PUS7L: variants seen among roughly 807,000 people sequenced by gnomAD.
PUS7L encodes the protein pseudouridine synthase 7 like, also known as pseudouridylate synthase PUS7L.
In PUS7L, 49 loss-of-function variants were observed where a neutral mutation model predicts 51.1. The ratio of observed to expected loss-of-function variants is 0.96; its 90% confidence interval spans 0.76 to 1.22. PUS7L has a LOEUF of 1.22. Among genes scored for constraint, PUS7L ranks in the 50% most tolerant of loss-of-function variants. PUS7L has a pLI of 0.00. For synonymous variants in PUS7L, 277 were observed against 276.2 expected, an observed-to-expected ratio of 1.00 and a Z score of -0.03; for missense variants, 828 against 820.6, an observed-to-expected ratio of 1.01 and a Z score of -0.11.
chr12:43,745,179 A>C (rs766766398), intron 4 of PUS7L, among the ~76,000 whole-genome samples: 23 of 152,212 alleles, frequency 1.5e-4, no homozygotes, highest in Non-Finnish European at 2.8e-4. Flanking sequence ...GCTGATGTCT[A>C]GATGATCTAA....
intron 2 of PUS7L, among the ~76,000 whole-genome samples, chr12:43,751,694 A>G (rs1015890562): frequency 3.3e-5 from 5 of 152,082 alleles, no homozygotes; most frequent in East Asian, 1.9e-4. Flanking sequence ...ATGATTTATA[A>G]TCCTTTGGGT....
Position 43,738,406 on chromosome 12 carries a change from C to G in PUS7L, c.1363-15G>C. On this transcript the variant is annotated splice_polypyrimidine_tract_variant and intron_variant, in intron 5 of 8. Transcript: ENST00000344862. The stretch of plus-strand genomic sequence containing the variant: ...ATGGCTTTCATCTTAAAAAATCAAG[C>G]AGGTAAACATGTGTTAATGAAAATG... The G allele has an allele frequency of 7.2e-7, 1 of 1,390,174 alleles. No homozygotes were observed. The highest frequency in any genetic ancestry group is 1.0e-6 in the Non-Finnish European group (1 of 980,880). The allele number at this position is 1,390,174 out of a possible 1,614,324, so 86.1% of individuals were successfully genotyped here. A position where few individuals can be genotyped will look rare whatever the true frequency, so the allele number is the denominator to read the frequency against.
At chr12:43,738,034 T>C (rs1225061052) in intron 6 of PUS7L, 1 of 284,994 alleles carries the variant, frequency 3.5e-6, no homozygotes, top group Non-Finnish European at 6.5e-6. Flanking sequence ...AATTTGGAAC[T>C]CTCTCTCAGA....
chr12:43,738,139 C>A, intron 6 of PUS7L, 171 bp downstream of exon 6: 1 of 521,502 alleles, frequency 1.9e-6, no homozygotes, highest in Non-Finnish European at 3.4e-6. Context: ...CAAATCTGAC[C>A]AAAAACGAAG....
At chr12:43,747,862 C>A (rs1374920540) in intron 3 of PUS7L, among the ~76,000 whole-genome samples, 1 of 152,124 alleles carries the variant, frequency 6.6e-6, no homozygotes, top group Non-Finnish European at 1.5e-5. Flanking sequence ...GATCCCTGCT[C>A]ACTGCAACTC....
At chr12:43,731,852 G>T (rs570643694) in intron 7 of PUS7L, 94 bp from the exon 8 acceptor site, 2 of 723,052 alleles carry the variant, frequency 2.8e-6, no homozygotes, top group East Asian at 2.8e-5. Flanking sequence ...ATATAAATCA[G>T]TTCCTATGCT....
rs200464831 is a variant in PUS7L, at chr12:43,736,526, C to A, written c.1580G>T (p.Arg527Leu). 7 of 1,614,148 alleles carry A rather than the reference C, an allele frequency of 4.3e-6. No individual in the cohort carries two copies. Among genetic ancestry groups the A allele is most frequent in the Non-Finnish European group, 5.9e-6 (7 of 1,180,026 alleles). Reference sequence around the variant, plus strand: ...GGTATATGCGTGAACATAGAATATGCGCATGGAATGGGGTAAAGAGAACCA... The same window carrying A: ...GGTATATGCGTGAACATAGAATATGAGCATGGAATGGGGTAAAGAGAACCA... Reference protein sequence around the residue: ...QAWFSLPHSMRIFYVHAYTSK... With the variant: ...QAWFSLPHSMLIFYVHAYTSK... The change falls in exon 7 of 9, where the codon CGC (arginine) becomes CTC (leucine). Residue 527 changes from arginine (R) to leucine (L), a missense_variant. Arg to Leu is a moderately radical substitution (Grantham distance 102). Coordinates refer to ENST00000344862, the MANE Select transcript of PUS7L (RefSeq NM_031292.5).
chr12:43,757,445 A>AG (rs1340112482), intron 1 of PUS7L, among the ~76,000 whole-genome samples: 1 of 152,226 alleles, frequency 6.6e-6, no homozygotes, highest in Admixed American at 6.5e-5. Context: ...TGCTGGGGTT[A>AG]CAGGCGTGAG....
At chr12:43,737,636 A>C (rs1257395301) in intron 6 of PUS7L, among the ~76,000 whole-genome samples, 2 of 151,608 alleles carry the variant, frequency 1.3e-5, no homozygotes, top group African/African-American at 4.8e-5. Context: ...TGTGTAGTAC[A>C]CGCAAGGCAT....
chr12:43,749,554 C>T (rs546388235), intron 2 of PUS7L, among the ~76,000 whole-genome samples: 7 of 152,254 alleles, frequency 4.6e-5, no homozygotes, highest in African/African-American at 1.7e-4. Context: ...CCTATGGTCA[C>T]AGCTACCCAG....
At position 43,730,557 on chromosome 12, in the gene PUS7L, C is replaced by A; in HGVS notation, c.1925G>T (p.Arg642Ile). Residue 642 changes from arginine to isoleucine, a missense_variant, in exon 9 of 9, where the codon AGA (arginine) becomes ATA (isoleucine). Physicochemically the swap from Arg to Ile is moderately conservative, Grantham distance 97. Coordinates refer to ENST00000344862, the MANE Select transcript of PUS7L (RefSeq NM_031292.5). ...ATTACAGGGATGTTTCAAAATCTGT[C>A]TATAGCAACCTGGTATATTCAGTTT... is the stretch of plus-strand genomic sequence containing the variant. ...TLKLNIPGCYRQILKHPCNLS... is the reference protein window; with the variant it reads ...TLKLNIPGCYIQILKHPCNLS... 6.2e-7 allele frequency: 1 copy of A among 1,613,872 alleles called. No homozygotes were observed. Among genetic ancestry groups the A allele is most frequent in the Non-Finnish European group, 8.5e-7 (1 of 1,179,858 alleles).
In PUS7L at chr12:43,724,608, C is replaced by T. The variant is rs1262928726; in HGVS notation, c.*5768G>A. ...ATATATTTCATAATTTTGTTTGATG[C>T]AATACTATCCTGGACTGAAAAATGA... On this transcript the variant is annotated 3_prime_UTR_variant, in exon 9 of 9. Transcript: ENST00000344862. 6.6e-6 allele frequency: 1 copy of T among 152,024 alleles called. No individual in the cohort carries two copies. The highest frequency in any genetic ancestry group is 1.5e-5 in the Non-Finnish European group (1 of 67,964). The allele number at this position is 152,024 out of a possible 1,614,324, so 9.4% of individuals were successfully genotyped here. A position where few individuals can be genotyped will look rare whatever the true frequency, so the allele number is the denominator to read the frequency against.
chr12:43,730,588 T>G lies in PUS7L; in HGVS notation c.1894A>C (p.Thr632Pro), dbSNP rs771811747. Residue 632 changes from threonine (T) to proline (P), a missense_variant, in exon 9 of 9, where the codon ACT becomes CCT. Transcript: ENST00000344862. ...GLQTCRFKVP[T>P]LKLNIPGCYR... ...CAACCTGGTATATTCAGTTTCAGAGTAGGTACTTTAAACCTACATGTCTGT... is the reference window on the plus strand; with the variant it reads ...CAACCTGGTATATTCAGTTTCAGAGGAGGTACTTTAAACCTACATGTCTGT... 2 of 1,613,574 alleles carry G rather than the reference T, an allele frequency of 1.2e-6. No homozygotes were observed. The highest frequency in any genetic ancestry group is 3.3e-5 in the Admixed American group (2 of 60,016).
In PUS7L at chr12:43,742,367, A is replaced by G. The variant is rs993994326; in HGVS notation, c.1362+90T>C. 3 of 844,792 alleles carry G rather than the reference A, an allele frequency of 3.6e-6. No individual in the cohort carries two copies. The Admixed American group carries it at 7.2e-5, about 20-fold the overall frequency. 52.3% of individuals were successfully genotyped at this position (844,792 alleles called of 1,614,324 possible). A position where few individuals can be genotyped will look rare whatever the true frequency, so the allele number is the denominator to read the frequency against. The stretch of plus-strand genomic sequence containing the variant: ...GGTATGTGAGTGTTTACATGCATTT[A>G]TATGCTAGAGTTAAGAAAGCAAGGA... On this transcript the variant is annotated intron_variant, in intron 5 of 8. Transcript: ENST00000344862.
rs770026890 is a variant in PUS7L, at chr12:43,736,572, C to T, written c.1534G>A (p.Glu512Lys). The change falls in exon 7 of 9, where the codon GAG becomes AAG. Residue 512 changes from glutamate to lysine, a missense_variant. Transcript: ENST00000344862. ...LEALHRFGMT[E>K]EGCIQAWFSL... Reference sequence around the variant, plus strand: ...AACCATGCCTGGATACAACCTTCCTCGGTCATGCCAAAGCGGTGCAATGCC... The same window carrying T: ...AACCATGCCTGGATACAACCTTCCTTGGTCATGCCAAAGCGGTGCAATGCC... 7.4e-6 allele frequency: 12 copies of T among 1,613,940 alleles called. No individual in the cohort carries two copies. The highest frequency in any genetic ancestry group is 3.3e-5 in the South Asian group (3 of 91,086).
chr12:43,738,266 T>C, intron 6 of PUS7L, 44 bp downstream of exon 6: 1 of 953,808 alleles, frequency 1.0e-6, no homozygotes, highest in Non-Finnish European at 1.7e-6. Flanking sequence ...ATAGTGTGTA[T>C]CTGTATCTGC....
intron 3 of PUS7L, 26 bp downstream of exon 3, chr12:43,748,424 C>G (rs756773259): frequency 6.5e-7 from 1 of 1,527,868 alleles, no homozygotes; most frequent in Non-Finnish European, 8.8e-7. Flanking sequence ...AAGTTTCTAT[C>G]CTAAAATTTC....
chr12:43,740,505 A>G (rs1295976073), intron 5 of PUS7L, among the ~76,000 whole-genome samples: 1 of 152,210 alleles, frequency 6.6e-6, no homozygotes, highest in African/African-American at 2.4e-5. Context: ...ATCACAAAAT[A>G]AGAGGAATTC....
At position 43,723,541 on chromosome 12, in the gene PUS7L, T is replaced by C. The variant is rs987448097; in HGVS notation, c.*6835A>G. 1.9e-4 allele frequency: 29 copies of C among 152,108 alleles called. No homozygotes were observed. The highest frequency in any genetic ancestry group is 7.0e-4 in the African/African-American group (29 of 41,426). The allele number at this position is 152,108 out of a possible 1,614,324, so 9.4% of individuals were successfully genotyped here. A position where few individuals can be genotyped will look rare whatever the true frequency, so the allele number is the denominator to read the frequency against. On this transcript the variant is annotated 3_prime_UTR_variant, in exon 9 of 9. Coordinates refer to ENST00000344862, the MANE Select transcript of PUS7L (RefSeq NM_031292.5). Reference sequence around the variant, plus strand: ...ATGCTGCTTGTTTTTCTCTTTACCATTTAGTCTGCATATTCCACTTGCAAG... The same window carrying C: ...ATGCTGCTTGTTTTTCTCTTTACCACTTAGTCTGCATATTCCACTTGCAAG...
Sources: gnomAD v4.1 joint callset for allele counts (sites outside exome capture counted in the v4.1 genomes callset) on GRCh38, gnomAD v4.1.1 for gene constraint, MANE v1.5 for transcripts, NCBI Gene and HGNC (gene_info 2026-07-23, HGNC 2026-07-21) for gene names.